CMIP: variants seen among roughly 807,000 people sequenced by gnomAD.
CMIP encodes c-Maf inducing protein.
A neutral mutation model predicts 97.3 loss-of-function variants in CMIP; 13 were observed. That is an observed-to-expected ratio of 0.13 (90% CI 0.09 to 0.21). The LOEUF is 0.21. CMIP is among the 10% of genes least tolerant of loss of function. The pLI is 1.00. For synonymous variants in CMIP, 538 were observed against 436.3 expected (o/e 1.23, Z -2.91); for missense variants, 847 against 1,024.9 (o/e 0.83, Z 2.37).
chr16:81,545,205 A>G (rs74029174), intron 1 of CMIP, among the ~76,000 whole-genome samples: 8,848 of 152,188 alleles, frequency 0.058, 387 homozygotes, highest in African/African-American at 0.12. Flanking sequence ...AGCTTCTTCC[A>G]TCCTTTGAGA....
intron 1 of CMIP, among the ~76,000 whole-genome samples, chr16:81,501,812 C>A (rs2089618601): frequency 1.3e-5 from 2 of 151,986 alleles, no homozygotes; most frequent in Non-Finnish European, 1.5e-5. Flanking sequence ...GGATTTCACC[C>A]TGTTGGCCAA....
intron 17 of CMIP, 108 bp downstream of exon 17, chr16:81,702,777 C>G (rs370152049): frequency 9.2e-6 from 9 of 982,970 alleles, no homozygotes; most frequent in Non-Finnish European, 1.3e-5. Context: ...TGATGGAGGG[C>G]GGGGCACAAG....
At chr16:81,582,355 G>T (rs1044099188) in intron 1 of CMIP, among the ~76,000 whole-genome samples, 2 of 152,164 alleles carry the variant, frequency 1.3e-5, no homozygotes, top group Admixed American at 1.3e-4. Flanking sequence ...CCTTGAGCGT[G>T]ACAGGGCCAA....
chr16:81,673,313 G>C (rs11644249), intron 9 of CMIP, among the ~76,000 whole-genome samples: 117,084 of 151,976 alleles, frequency 0.77, 45,198 homozygotes, highest in East Asian at 0.92. Context: ...GTTAGGAGTT[G>C]GAGACCAGCC....
At chr16:81,502,128 C>T (rs924655146) in intron 1 of CMIP, among the ~76,000 whole-genome samples, 3 of 152,108 alleles carry the variant, frequency 2.0e-5, no homozygotes, top group Admixed American at 2.0e-4. Context: ...AAACTGAGGC[C>T]CAGAGAGGTT....
At chr16:81,643,623 C>G (rs1415690471) in intron 3 of CMIP, among the ~76,000 whole-genome samples, 1 of 152,078 alleles carries the variant, frequency 6.6e-6, no homozygotes, top group Non-Finnish European at 1.5e-5. Context: ...GAAACCCCAT[C>G]TCTACTAAAA....
At chr16:81,580,624 C>G (rs543839129) in intron 1 of CMIP, among the ~76,000 whole-genome samples, 1 of 151,964 alleles carries the variant, frequency 6.6e-6, no homozygotes, top group African/African-American at 2.4e-5. Flanking sequence ...TTAGTAGAGA[C>G]AGGGTTTTGC....
At chr16:81,520,211 G>C (rs1353070232) in intron 1 of CMIP, 3 of 152,184 alleles carry the variant, frequency 2.0e-5, no homozygotes, top group Non-Finnish European at 4.4e-5. Context: ...GGCTGGGTTT[G>C]AACCCCAGGT....
At chr16:81,487,118 G>A (rs2089326964) in intron 1 of CMIP, among the ~76,000 whole-genome samples, 1 of 152,236 alleles carries the variant, frequency 6.6e-6, no homozygotes, top group South Asian at 2.1e-4. Context: ...GGTCATGGGG[G>A]GCCCTGAGAA....
At chr16:81,689,470 C>G (rs930152581) in intron 10 of CMIP, among the ~76,000 whole-genome samples, 1 of 152,210 alleles carries the variant, frequency 6.6e-6, no homozygotes, top group Non-Finnish European at 1.5e-5. Context: ...TGAGAAGTGT[C>G]TGTTCATATC....
chr16:81,605,305 G>A (rs1179523789), intron 1 of CMIP, among the ~76,000 whole-genome samples: 1 of 152,204 alleles, frequency 6.6e-6, no homozygotes, highest in African/African-American at 2.4e-5. Flanking sequence ...GGGGCCAGGG[G>A]GTCCTCTGAG....
chr16:81,653,708 G>A (rs1411648702), intron 4 of CMIP, among the ~76,000 whole-genome samples: 2 of 152,290 alleles, frequency 1.3e-5, no homozygotes, highest in African/African-American at 4.8e-5. Context: ...CGCCTCCTGG[G>A]TTCAAGCCGT....
rs534851463 is a variant in CMIP, at chr16:81,487,839, G to A, written c.300+42298G>A. The stretch of plus-strand genomic sequence containing the variant: ...GAGCAGCTTCAGGGGGCTTAGCCCA[G>A]CAGCATCTCAGAGCAATCCCCTATC... On this transcript the variant is annotated intron_variant, in intron 1 of 20. Coordinates refer to ENST00000537098, the MANE Select transcript of CMIP (RefSeq NM_198390.3). Among the ~76,000 whole-genome samples, 3 of 152,284 alleles carry A rather than the reference G, an allele frequency of 2.0e-5. No homozygotes were observed. The South Asian group carries it at 6.2e-4, about 32-fold the overall frequency.
At chr16:81,516,640 G>T (rs2089919874) in intron 1 of CMIP, among the ~76,000 whole-genome samples, 1 of 152,218 alleles carries the variant, frequency 6.6e-6, no homozygotes, top group Non-Finnish European at 1.5e-5. Flanking sequence ...GTGCGTCACT[G>T]CTGGGGATTG....
intron 20 of CMIP, 49 bp downstream of exon 20, chr16:81,707,133 G>A (rs1172968883): frequency 1.3e-6 from 2 of 1,499,164 alleles, no homozygotes; most frequent in Non-Finnish European, 9.3e-7. Context: ...CTTCTAGCCA[G>A]CATCTGGATG....
At chr16:81,594,545 C>G (rs892233491) in intron 1 of CMIP, among the ~76,000 whole-genome samples, 1 of 152,134 alleles carries the variant, frequency 6.6e-6, no homozygotes, top group Non-Finnish European at 1.5e-5. Flanking sequence ...CCTGAGACCT[C>G]GAATAGTACT....
At chr16:81,523,920 C>G (rs976292987) in intron 1 of CMIP, among the ~76,000 whole-genome samples, 2 of 152,270 alleles carry the variant, frequency 1.3e-5, no homozygotes, top group African/African-American at 4.8e-5. Flanking sequence ...CGCCTGCACA[C>G]CGGCAGAACT....
At chr16:81,584,929 C>T (rs59736914) in intron 1 of CMIP, among the ~76,000 whole-genome samples, 156 of 152,294 alleles carry the variant, frequency 1.0e-3, no homozygotes, top group African/African-American at 3.5e-3. Flanking sequence ...AGAGCAGAGG[C>T]TTTGAAATGG....
At chr16:81,531,896 T>G (rs1269208731) in intron 1 of CMIP, among the ~76,000 whole-genome samples, 1 of 152,240 alleles carries the variant, frequency 6.6e-6, no homozygotes, top group Non-Finnish European at 1.5e-5. Flanking sequence ...CTATTTGTAT[T>G]TAGAAATGGC....
Sources: allele counts gnomAD v4.1 joint callset (sites outside exome capture counted in the v4.1 genomes callset), GRCh38; gene constraint gnomAD v4.1.1; transcripts MANE v1.5; gene names NCBI Gene and HGNC (gene_info 2026-07-23, HGNC 2026-07-21).